The following RAI14 variants were observed in gnomAD, a reference collection of about 807,000 sequenced individuals.
RAI14 encodes ankycorbin.
RAI14 carries 45 observed loss-of-function variants against 115.4 expected under a neutral mutation model. That is an observed-to-expected ratio of 0.39 (90% CI 0.31 to 0.50). RAI14 has a LOEUF of 0.50. Among genes scored for constraint, RAI14 ranks in the 20% least tolerant of loss-of-function variants. RAI14 has a pLI of 0.85. For synonymous variants in RAI14, 371 were observed against 415.4 expected (o/e 0.89, Z 1.30); for missense variants, 939 against 1,131.2 (o/e 0.83, Z 2.44).
intron 14 of RAI14, among the ~76,000 whole-genome samples, chr5:34,822,664 C>CTTTT (rs143092935): frequency 1.3e-4 from 6 of 47,532 alleles, no homozygotes; most frequent in African/African-American, 2.6e-4. Context: ...CCTTTGGTAT[C>CTTTT]TTTTTTTTTT....
intron 4 of RAI14, among the ~76,000 whole-genome samples, chr5:34,800,404 A>G (rs1013605798): frequency 1.3e-5 from 2 of 152,182 alleles, no homozygotes; most frequent in African/African-American, 4.8e-5. Context: ...CCCACAGGGA[A>G]ATTGCTTCCT....
intron 1 of RAI14, among the ~76,000 whole-genome samples, chr5:34,678,031 G>A (rs556700330): frequency 6.6e-6 from 1 of 152,034 alleles, no homozygotes; most frequent in Non-Finnish European, 1.5e-5. Context: ...TCTAGGGATC[G>A]CTGTATGGTA....
intron 5 of RAI14, among the ~76,000 whole-genome samples, chr5:34,807,302 G>A (rs1217715041): frequency 6.6e-6 from 1 of 152,134 alleles, no homozygotes; most frequent in African/African-American, 2.4e-5. Context: ...GAGGAGGACA[G>A]AAATGTTTAT....
intron 2 of RAI14, among the ~76,000 whole-genome samples, chr5:34,737,605 A>T (rs143892883): frequency 6.9e-6 from 1 of 144,266 alleles, no homozygotes; most frequent in Non-Finnish European, 1.6e-5. Context: ...AAAAAAATTT[A>T]AAAATTAGCT....
chr5:34,713,982 T>G (rs1309066498), intron 2 of RAI14, among the ~76,000 whole-genome samples: 1 of 151,888 alleles, frequency 6.6e-6, no homozygotes, highest in Non-Finnish European at 1.5e-5. Context: ...TTTTGTATTT[T>G]TAGTAGAGAC....
intron 2 of RAI14, among the ~76,000 whole-genome samples, chr5:34,691,763 A>G (rs972576248): frequency 3.3e-5 from 5 of 152,232 alleles, no homozygotes; most frequent in Non-Finnish European, 2.9e-5. Context: ...TCATTGTAAT[A>G]GGGAAGTAGC....
chr5:34,824,698 C>T (rs1757260313), intron 15 of RAI14, among the ~76,000 whole-genome samples: 1 of 152,222 alleles, frequency 6.6e-6, no homozygotes, highest in East Asian at 1.9e-4. Flanking sequence ...AATCCCAGCA[C>T]TTTGGGAGGC....
intron 2 of RAI14, among the ~76,000 whole-genome samples, chr5:34,688,804 T>G (rs746285987): frequency 3.9e-5 from 6 of 152,236 alleles, no homozygotes; most frequent in African/African-American, 1.4e-4. Flanking sequence ...AAAGCCTAGT[T>G]TGTTAATCAA....
intron 1 of RAI14, among the ~76,000 whole-genome samples, chr5:34,661,910 C>T (rs1055368471): frequency 5.3e-5 from 8 of 152,160 alleles, no homozygotes; most frequent in South Asian, 2.1e-4. Flanking sequence ...CTCAGCTTCT[C>T]AAATAGTTGT....
intron 11 of RAI14, 42 bp from the exon 12 acceptor site, chr5:34,814,541 A>T (rs1755959509): frequency 6.8e-7 from 1 of 1,468,234 alleles, no homozygotes; most frequent in Non-Finnish European, 9.5e-7. Context: ...GAGTTTGAAG[A>T]TACATTCTTT....
intron 2 of RAI14, among the ~76,000 whole-genome samples, chr5:34,704,771 T>C (rs1470278624): frequency 6.6e-6 from 1 of 152,234 alleles, no homozygotes. Flanking sequence ...GTTACCTTTA[T>C]TTCCTTATAG....
At chr5:34,746,208 C>G (rs935951591) in intron 2 of RAI14, among the ~76,000 whole-genome samples, 42 of 151,430 alleles carry the variant, frequency 2.8e-4, no homozygotes, top group African/African-American at 9.5e-4. Context: ...CGGGTTCACG[C>G]CATTCTCCTG....
At chr5:34,686,665 T>A (rs1744918245) in intron 1 of RAI14, among the ~76,000 whole-genome samples, 1 of 152,090 alleles carries the variant, frequency 6.6e-6, no homozygotes. Context: ...AGGAAAAAAT[T>A]AAGGTTTTGG....
At chr5:34,680,712 G>A (rs186584050) in intron 1 of RAI14, among the ~76,000 whole-genome samples, 113 of 152,258 alleles carry the variant, frequency 7.4e-4, no homozygotes, top group Admixed American at 1.5e-3. Context: ...TCCAAATCCC[G>A]TGTTTCCTTT....
chr5:34,808,009 T>TGTTTTACAA, intron 6 of RAI14, 152 bp downstream of exon 6: 1 of 684,624 alleles, frequency 1.5e-6, no homozygotes, highest in Non-Finnish European at 2.5e-6. Flanking sequence ...TTGTAAAACA[T>TGTTTTACAA]ACACAGTTTT....
chr5:34,824,681 C>T (rs1323093140), intron 15 of RAI14, among the ~76,000 whole-genome samples, 190 bp downstream of exon 15: 1 of 152,114 alleles, frequency 6.6e-6, no homozygotes, highest in Admixed American at 6.6e-5. Context: ...TGGTGGCTCA[C>T]GCTTATAATC....
At chr5:34,778,127 A>G (rs1338485060) in intron 3 of RAI14, among the ~76,000 whole-genome samples, 2 of 152,220 alleles carry the variant, frequency 1.3e-5, no homozygotes, top group Non-Finnish European at 2.9e-5. Flanking sequence ...AATAAGTAAA[A>G]TATTTTGTGT....
chr5:34,774,556 A>C (rs1448842954), intron 3 of RAI14, among the ~76,000 whole-genome samples: 1 of 152,152 alleles, frequency 6.6e-6, no homozygotes, highest in East Asian at 1.9e-4. Context: ...AAGTTAACCA[A>C]AGAAATAAAA....
chr5:34,661,933 G>A (rs1295253176), intron 1 of RAI14, among the ~76,000 whole-genome samples: 1 of 152,138 alleles, frequency 6.6e-6, no homozygotes, highest in Non-Finnish European at 1.5e-5. Flanking sequence ...CTACAGGCGC[G>A]TGCCAACACA....
Sources: gnomAD v4.1 joint callset for allele counts (sites outside exome capture counted in the v4.1 genomes callset) on GRCh38, gnomAD v4.1.1 for gene constraint, MANE v1.5 for transcripts, NCBI Gene and HGNC (gene_info 2026-07-23, HGNC 2026-07-21) for gene names.